DDX5: variants seen among roughly 807,000 people sequenced by gnomAD.
DDX5 encodes the protein DEAD-box helicase 5.
DDX5 carries 6 observed loss-of-function variants against 68.6 expected under a neutral mutation model. The observed-to-expected ratio is 0.09, with a 90% CI of 0.05 to 0.17. The LOEUF (loss-of-function observed/expected upper bound fraction) is 0.17, where lower values mean the gene tolerates loss of function less well. Among genes scored for constraint, DDX5 ranks in the 10% least tolerant of loss-of-function variants. The pLI is 1.00. For missense variants in DDX5, 499 were observed against 756.1 expected (o/e 0.66, Z 3.99); for synonymous variants, 350 against 247.0 (o/e 1.42, Z -3.91).
rs78259006 is a variant in DDX5 at position 64,505,675 on chromosome 17, G to A, written c.44+401C>T. 3.1e-3 allele frequency: 4,545 copies of A among 1,463,110 alleles called. 105 individuals carry two copies. In the African/African-American group the frequency reaches 0.058, roughly 19 times the overall value. The allele number at this position is 1,463,110 out of a possible 1,614,324, so 90.6% of individuals were successfully genotyped here. On this transcript the variant is annotated intron_variant, in intron 1 of 12. Coordinates refer to ENST00000225792, the MANE Select transcript of DDX5 (RefSeq NM_004396.5). ...GCCCTCCTACCCCAACAGCACCAGG[G>A]CTTTGGAAGTGGTCCCCTCGCTCCC...
intron 7 of DDX5, 42 bp from the exon 8 acceptor site, chr17:64,503,140 G>C (rs782576204): frequency 1.3e-5 from 21 of 1,612,474 alleles, no homozygotes; most frequent in African/African-American, 4.0e-5. Context: ...AGACTCTTAA[G>C]AGTGAAAACA....
rs755444465 is a variant in DDX5, at chr17:64,506,214, G to C, written c.-95C>G. On this transcript the variant is annotated 5_prime_UTR_variant, in exon 1 of 13. Transcript: ENST00000225792. ...CCTCGATGACGGCGAAGCCTTGCGG[G>C]GGCGGCAGCGGAGGAAGGACACCGA... 220 of 1,559,870 alleles carry C rather than the reference G, an allele frequency of 1.4e-4. No homozygotes were observed. Among genetic ancestry groups the C allele is most frequent in the Non-Finnish European group, 1.9e-4 (214 of 1,152,128 alleles).
Position 64,503,830 on chromosome 17 carries a change from T to C in DDX5, c.480A>G (p.Pro160=), listed in dbSNP as rs782000767. The change falls in exon 5 of 13, where the codon CCA becomes CCG. Residue 160 remains proline, a synonymous_variant. Transcript: ENST00000225792. The stretch of plus-strand genomic sequence containing the variant: ...TAGGCCCATCGCCTCTCTCTAGGAA[T>C]GGCTGATGATTGATGTGGACAATGG... ...LPAIVHINHQ[P]FLERGDGPIC... 2 of 1,614,232 alleles carry C rather than the reference T, an allele frequency of 1.2e-6. No homozygotes were observed. The highest frequency in any genetic ancestry group is 1.7e-6 in the Non-Finnish European group (2 of 1,180,038).
chr17:64,504,392 T>A, intron 2 of DDX5, 74 bp from the exon 3 acceptor site: 1 of 1,295,804 alleles, frequency 7.7e-7, no homozygotes, highest in Non-Finnish European at 1.1e-6. Flanking sequence ...GATAAGCCCC[T>A]AACTTCATAA....
At chr17:64,502,623 G>A in intron 8 of DDX5, 74 bp from the exon 9 acceptor site, 2 of 1,090,916 alleles carry the variant, frequency 1.8e-6, no homozygotes, top group South Asian at 2.7e-5. Flanking sequence ...TTTATGGTCA[G>A]CAAAACATTA....
chr17:64,505,779 C>T, intron 1 of DDX5: 1 of 1,536,196 alleles, frequency 6.5e-7, no homozygotes, highest in South Asian at 1.2e-5. Context: ...CTCGAAGCGT[C>T]CCGCTTTCAT....
chr17:64,506,210 G>T lies in DDX5; in HGVS notation c.-91C>A. On this transcript the variant is annotated 5_prime_UTR_variant, in exon 1 of 13. Coordinates refer to ENST00000225792, the MANE Select transcript of DDX5 (RefSeq NM_004396.5). ...ATGGCCTCGATGACGGCGAAGCCTT[G>T]CGGGGGCGGCAGCGGAGGAAGGACA... 1 of 1,563,488 alleles carries T rather than the reference G, an allele frequency of 6.4e-7. No homozygotes were observed. Among genetic ancestry groups the T allele is most frequent in the Non-Finnish European group, 8.7e-7 (1 of 1,154,046 alleles).
rs373943973 is a variant in DDX5, at chr17:64,504,854, A to T, written c.45-12T>A. On this transcript the variant is annotated splice_polypyrimidine_tract_variant and intron_variant, in intron 1 of 12. Transcript: ENST00000225792. ...GAGGTGCACCAAACCTGGAATGAAAAAAAACGTTATTCACATTTTCAAATG... is the reference window on the plus strand; with the variant it reads ...GAGGTGCACCAAACCTGGAATGAAATAAAACGTTATTCACATTTTCAAATG... The T allele has an allele frequency of 6.3e-7, 1 of 1,589,154 alleles. No individual in the cohort carries two copies.
At chr17:64,506,019 G>GTGCCCCCC in intron 1 of DDX5, 57 bp downstream of exon 1, 21 of 1,360,372 alleles carry the variant, frequency 1.5e-5, no homozygotes, top group African/African-American at 2.9e-5. Flanking sequence ...CCGCCACCCT[G>GTGCCCCCC]ACCCGCCCTC....
chr17:64,500,886 C>CA, intron 11 of DDX5, 113 bp from the exon 12 acceptor site: 1 of 724,506 alleles, frequency 1.4e-6, no homozygotes, highest in Non-Finnish European at 2.3e-6. Flanking sequence ...GTACGGGCTG[C>CA]AAAAAATACA....
intron 11 of DDX5, chr17:64,501,778 ACGTTC>A: frequency 1.7e-6 from 1 of 581,784 alleles, no homozygotes; most frequent in East Asian, 2.8e-5. Context: ...TTACTGGCAC[ACGTTC>A]AGCTTTTTCA....
intron 12 of DDX5, 96 bp downstream of exon 12, chr17:64,500,453 A>AAC: frequency 6.6e-7 from 1 of 1,518,366 alleles, no homozygotes; most frequent in South Asian, 1.2e-5. Flanking sequence ...AAGTTTTCAC[A>AAC]TTCAAGGTTT....
intron 2 of DDX5, 46 bp downstream of exon 2, chr17:64,504,631 T>C: frequency 1.3e-6 from 2 of 1,552,218 alleles, no homozygotes; most frequent in Non-Finnish European, 1.7e-6. Flanking sequence ...TTTACTAGAA[T>C]CCACGATCGA....
rs1481995444 is a variant in DDX5 at position 64,503,879 on chromosome 17, TG to T, written c.442-12del. ...GGCAGGAAGCAAATACTATTTAGGG[TG>T]AAAGTGGGGACAAACAGAAATCACA... is the stretch of plus-strand genomic sequence containing the variant. On this transcript the variant is annotated splice_polypyrimidine_tract_variant and intron_variant, in intron 4 of 12. Coordinates refer to ENST00000225792, the MANE Select transcript of DDX5 (RefSeq NM_004396.5). 1 of 1,614,028 alleles carries T rather than the reference TG, an allele frequency of 6.2e-7. No individual in the cohort carries two copies. The highest frequency in any genetic ancestry group is 8.5e-7 in the Non-Finnish European group (1 of 1,179,986).
At chr17:64,506,363 C>T, upstream of DDX5, 1 of 1,428,612 alleles carries the variant, frequency 7.0e-7, no homozygotes, top group Non-Finnish European at 9.2e-7. Context: ...GGGAGCCGCT[C>T]TATGACCTAA....
At chr17:64,501,339 T>C (rs1250301809) in intron 11 of DDX5, 1 of 159,722 alleles carries the variant, frequency 6.3e-6, no homozygotes, top group Non-Finnish European at 1.4e-5. Flanking sequence ...CACTTGAGAA[T>C]GTGTCTCTCT....
At chr17:64,505,042 T>A (rs150489609) in intron 1 of DDX5, 200 bp from the exon 2 acceptor site, 1 of 477,976 alleles carries the variant, frequency 2.1e-6, no homozygotes, top group Non-Finnish European at 3.6e-6. Flanking sequence ...ACACATTACT[T>A]AGGTCATGTA....
In DDX5 at chr17:64,500,565, G is replaced by A. The variant is rs183618509; in HGVS notation, c.1425C>T (p.Val475=). ...QAINPKLLQL[V]EDRGSGRSRG... ...CATCCTTACCTGAACCTCTGTCTTC[G>A]ACCAACTGAAGCAACTTGGGATTAA... The change falls in exon 12 of 13, where the codon GTC becomes GTT. Residue 475 remains valine, a synonymous_variant. Coordinates refer to ENST00000225792, the MANE Select transcript of DDX5 (RefSeq NM_004396.5). 382 of 1,613,614 alleles carry A rather than the reference G, an allele frequency of 2.4e-4. No individual in the cohort carries two copies. The highest frequency in any genetic ancestry group is 2.9e-4 in the Non-Finnish European group (342 of 1,179,828).
At position 64,498,903 on chromosome 17, in the gene DDX5, C is replaced by T. The variant is rs2038224493; in HGVS notation, c.*1020G>A. The stretch of plus-strand genomic sequence containing the variant: ...TTGGTTACGTTGCCTCCTGATTAGT[C>T]ATTAATTTTAATGAGGTTTTTTCCT... On this transcript the variant is annotated 3_prime_UTR_variant, in exon 13 of 13. Transcript: ENST00000225792. Among the ~76,000 whole-genome samples, 1 of 152,172 alleles carries T rather than the reference C, an allele frequency of 6.6e-6. No homozygotes were observed. Among genetic ancestry groups the T allele is most frequent in the Non-Finnish European group, 1.5e-5 (1 of 68,036 alleles).
Sources: allele counts gnomAD v4.1 joint callset (sites outside exome capture counted in the v4.1 genomes callset), GRCh38; gene constraint gnomAD v4.1.1; transcripts MANE v1.5; gene names NCBI Gene and HGNC (gene_info 2026-07-23, HGNC 2026-07-21).